The following ADAM32 variants were observed in gnomAD, a reference collection of about 807,000 sequenced individuals.
ADAM32 encodes the protein disintegrin and metalloproteinase domain-containing protein 32.
ADAM32 carries 89 observed loss-of-function variants against 114.9 expected under a neutral mutation model. The observed-to-expected ratio is 0.77, with a 90% confidence interval of 0.65 to 0.92. The LOEUF is 0.92. Ranked by LOEUF, ADAM32 falls within the 40% of genes least tolerant of loss-of-function variation. The probability of loss-of-function intolerance (pLI) is 0.00; values close to 1 mark genes in which losing one functional copy is unlikely to be tolerated. For synonymous variants in ADAM32, 285 were observed against 307.5 expected (o/e 0.93, Z 0.77); for missense variants, 870 against 932.8 (o/e 0.93, Z 0.88).
In ADAM32 at chr8:39,223,057, T is replaced by A. The variant is rs771436773; in HGVS notation, c.1344T>A (p.Val448=). 9 of 1,585,498 alleles carry A rather than the reference T, an allele frequency of 5.7e-6. No individual in the cohort carries two copies. Among genetic ancestry groups the A allele is most frequent in the Non-Finnish European group, 7.7e-6 (9 of 1,166,718 alleles). ...CKDCQILQSG[V]ECRPKAHPEC... Reference sequence around the variant, plus strand: ...TCTCTTAGATTTTACAATCAGGCGTTGAATGTAGGCCGAAAGCACATCCTG... The same window carrying A: ...TCTCTTAGATTTTACAATCAGGCGTAGAATGTAGGCCGAAAGCACATCCTG... Residue 448 remains valine, a synonymous_variant, in exon 14 of 25, where the codon GTT becomes GTA. Transcript: ENST00000379907.
At chr8:39,202,293 C>T (rs1166642770) in intron 11 of ADAM32, among the ~76,000 whole-genome samples, 2 of 152,258 alleles carry the variant, frequency 1.3e-5, no homozygotes, top group East Asian at 3.9e-4. Context: ...TAGTTATTGC[C>T]TCAATTTCAG....
chr8:39,193,242 A>G (rs1490152945), intron 11 of ADAM32, among the ~76,000 whole-genome samples: 1 of 152,136 alleles, frequency 6.6e-6, no homozygotes. Context: ...CTTATTTCAG[A>G]AAGCCAGTCT....
At chr8:39,154,152 C>G (rs1804004714) in intron 6 of ADAM32, among the ~76,000 whole-genome samples, 1 of 151,762 alleles carries the variant, frequency 6.6e-6, no homozygotes, top group African/African-American at 2.4e-5. Context: ...AACCCGTCAT[C>G]TACATTAGGT....
intron 2 of ADAM32, among the ~76,000 whole-genome samples, chr8:39,118,596 T>A (rs1482970621): frequency 6.6e-6 from 1 of 152,198 alleles, no homozygotes; most frequent in East Asian, 1.9e-4. Context: ...AATACTTTAT[T>A]TTGTTCATTG....
rs971585563 is a variant in ADAM32, at chr8:39,284,702, T to G, written c.2358-91T>G. 7 of 1,418,848 alleles carry G rather than the reference T, an allele frequency of 4.9e-6. No individual in the cohort carries two copies. The African/African-American group carries it at 1.0e-4, about 20-fold the overall frequency. 87.9% of individuals were successfully genotyped at this position (1,418,848 alleles called of 1,614,324 possible). ...ATTCTTTTTTTCGTGCCACATGAAT[T>G]TTCCACTTGGCAATACCTCAGCTGC... On this transcript the variant is annotated intron_variant, in intron 24 of 24. Coordinates refer to ENST00000379907, the MANE Select transcript of ADAM32 (RefSeq NM_145004.7).
At chr8:39,272,502 C>A (rs999765811) in intron 20 of ADAM32, among the ~76,000 whole-genome samples, 1 of 152,152 alleles carries the variant, frequency 6.6e-6, no homozygotes, top group African/African-American at 2.4e-5. Flanking sequence ...TAAGCCTGTA[C>A]AGCATCTTAT....
chr8:39,249,087 G>A (rs1050761883), intron 17 of ADAM32, among the ~76,000 whole-genome samples: 2 of 151,850 alleles, frequency 1.3e-5, no homozygotes, highest in Admixed American at 6.6e-5. Flanking sequence ...TGTATTTTTA[G>A]TAGAGACGGG....
At chr8:39,107,723 T>C (rs1294774868), upstream of ADAM32, 2 of 1,549,198 alleles carry the variant, frequency 1.3e-6, no homozygotes, top group Admixed American at 3.9e-5. Context: ...CCCGCGTCCC[T>C]GGCAATTCCC....
At chr8:39,270,588 C>G (rs1812649168) in intron 19 of ADAM32, among the ~76,000 whole-genome samples, 2 of 152,104 alleles carry the variant, frequency 1.3e-5, no homozygotes, top group Admixed American at 1.3e-4. Context: ...CATTCAAGGT[C>G]AAATCTAGAT....
intron 2 of ADAM32, chr8:39,130,049 G>A (rs1802347997): frequency 4.6e-6 from 1 of 219,058 alleles, no homozygotes; most frequent in South Asian, 5.7e-5. Flanking sequence ...CAGCCTCCCA[G>A]GTTCAAGTGA....
chr8:39,116,483 G>T (rs551877048), intron 1 of ADAM32, among the ~76,000 whole-genome samples: 1 of 152,184 alleles, frequency 6.6e-6, no homozygotes, highest in African/African-American at 2.4e-5. Flanking sequence ...TAGGTATTTT[G>T]TTCTTTTTGT....
chr8:39,111,852 A>G (rs1840175571), intron 1 of ADAM32, among the ~76,000 whole-genome samples: 1 of 151,998 alleles, frequency 6.6e-6, no homozygotes, highest in Non-Finnish European at 1.5e-5. Context: ...AATTTGATGT[A>G]AAAGCTATGA....
At chr8:39,176,581 T>C (rs1297117913) in intron 10 of ADAM32, among the ~76,000 whole-genome samples, 2 of 152,190 alleles carry the variant, frequency 1.3e-5, no homozygotes, top group African/African-American at 4.8e-5. Flanking sequence ...TCTTTTGCAT[T>C]TGCTGAGGAG....
chr8:39,221,531 C>A, intron 12 of ADAM32, 79 bp from the exon 13 acceptor site: 1 of 1,076,154 alleles, frequency 9.3e-7, no homozygotes. Context: ...AAACAGTAAG[C>A]CCATCAAAAT....
chr8:39,151,675 CTT>C (rs11381154), intron 6 of ADAM32, 127 bp downstream of exon 6: 281 of 434,202 alleles, frequency 6.5e-4, no homozygotes, highest in East Asian at 9.5e-4. Context: ...AACATCTTAT[CTT>C]TTTTTTTTTT....
chr8:39,280,624 G>T (rs1360614095), intron 22 of ADAM32, among the ~76,000 whole-genome samples: 1 of 152,040 alleles, frequency 6.6e-6, no homozygotes, highest in African/African-American at 2.4e-5. Flanking sequence ...GTTGCATTTG[G>T]TGTTTGAGTA....
At chr8:39,227,641 A>C (rs1809469340) in intron 14 of ADAM32, among the ~76,000 whole-genome samples, 1 of 151,912 alleles carries the variant, frequency 6.6e-6, no homozygotes, top group Non-Finnish European at 1.5e-5. Context: ...TGACCTGGGA[A>C]TCTCACCCCC....
intron 11 of ADAM32, among the ~76,000 whole-genome samples, chr8:39,189,151 CCTAT>C (rs1044534905): frequency 1.3e-5 from 2 of 152,112 alleles, no homozygotes; most frequent in African/African-American, 4.8e-5. Flanking sequence ...CACAGCCTCA[CCTAT>C]CTATGAGGTA....
Position 39,145,677 on chromosome 8 carries a change from C to T in ADAM32, c.201-1453C>T, listed in dbSNP as rs569202517. 8.5e-5 allele frequency among the ~76,000 whole-genome samples: 13 copies of T among 152,148 alleles called. No individual in the cohort carries two copies. In the East Asian group the frequency reaches 2.5e-3, roughly 29 times the overall value. On this transcript the variant is annotated intron_variant, in intron 3 of 24. Coordinates refer to ENST00000379907, the MANE Select transcript of ADAM32 (RefSeq NM_145004.7). ...GGAATGTGGTCCACAGTATGAAGTA[C>T]TTGAGAGTATTTTATTTATTTATTT...
Sources: gnomAD v4.1 joint callset for allele counts (sites outside exome capture counted in the v4.1 genomes callset) on GRCh38, gnomAD v4.1.1 for gene constraint, MANE v1.5 for transcripts, NCBI Gene and HGNC (gene_info 2026-07-23, HGNC 2026-07-21) for gene names.